The following CCDC178 variants were observed in gnomAD, a reference collection of about 807,000 sequenced individuals.
The protein encoded by CCDC178 is coiled-coil domain containing 178.
In CCDC178, 126 loss-of-function variants were observed where a neutral mutation model predicts 117.4. The ratio of observed to expected loss-of-function variants is 1.07; its 90% CI spans 0.93 to 1.24. The LOEUF (loss-of-function observed/expected upper bound fraction) is 1.24. CCDC178 is among the 50% of genes most tolerant of loss of function. The pLI is 0.00. For missense variants in CCDC178, 1,030 were observed against 986.9 expected, an observed-to-expected ratio of 1.04 and a Z score of -0.59; for synonymous variants, 283 against 313.4, an observed-to-expected ratio of 0.90 and a Z score of 1.02.
intron 21 of CCDC178, among the ~76,000 whole-genome samples, chr18:33,061,807 C>A (rs1043650746): frequency 2.0e-5 from 3 of 151,656 alleles, no homozygotes; most frequent in African/African-American, 7.3e-5. Flanking sequence ...TCAGCAGTGG[C>A]AAGATTTGGC....
intron 9 of CCDC178, among the ~76,000 whole-genome samples, chr18:33,344,810 CA>C (rs2062866328): frequency 2.6e-5 from 1 of 39,212 alleles, no homozygotes; most frequent in East Asian, 7.0e-4. Flanking sequence ...AAAGCACACA[CA>C]CACACACACA....
intron 20 of CCDC178, among the ~76,000 whole-genome samples, chr18:33,143,659 C>T (rs1339183598): frequency 6.6e-6 from 1 of 151,954 alleles, no homozygotes; most frequent in Admixed American, 6.6e-5. Context: ...AACAGATAAG[C>T]GTGATGGTTA....
intron 22 of CCDC178, among the ~76,000 whole-genome samples, chr18:32,948,945 A>T (rs1467231217): frequency 2.0e-5 from 3 of 152,004 alleles, no homozygotes; most frequent in Non-Finnish European, 4.4e-5. Flanking sequence ...TCTGCTGGTG[A>T]TGACTATTTT....
chr18:33,331,456 TG>T (rs967205871), intron 10 of CCDC178, among the ~76,000 whole-genome samples: 2 of 152,016 alleles, frequency 1.3e-5, no homozygotes, highest in Non-Finnish European at 2.9e-5. Flanking sequence ...TCAAGGTTGC[TG>T]GAAGTTTAGT....
chr18:33,436,598 A>C (rs1302239453), intron 2 of CCDC178, among the ~76,000 whole-genome samples: 1 of 152,232 alleles, frequency 6.6e-6, no homozygotes, highest in Non-Finnish European at 1.5e-5. Flanking sequence ...CCAATGCTGT[A>C]AAATGTATTA....
intron 20 of CCDC178, among the ~76,000 whole-genome samples, chr18:33,166,324 C>T (rs992218187): frequency 1.3e-5 from 2 of 152,036 alleles, no homozygotes; most frequent in African/African-American, 4.8e-5. Flanking sequence ...TGTTTATATA[C>T]AATAAAACGA....
intron 21 of CCDC178, among the ~76,000 whole-genome samples, chr18:33,050,374 T>A (rs931185462): frequency 3.9e-5 from 6 of 152,208 alleles, no homozygotes; most frequent in Non-Finnish European, 7.3e-5. Context: ...ATTAGTCTTC[T>A]GAATGTTCTT....
At chr18:33,038,059 C>A (rs541613583) in intron 21 of CCDC178, among the ~76,000 whole-genome samples, 3 of 151,936 alleles carry the variant, frequency 2.0e-5, no homozygotes, top group South Asian at 4.2e-4. Context: ...AAAAACACAC[C>A]TCCCAGTTTT....
At chr18:33,091,503 AT>A (rs1300331398) in intron 21 of CCDC178, among the ~76,000 whole-genome samples, 21 of 151,532 alleles carry the variant, frequency 1.4e-4, no homozygotes, top group Admixed American at 1.4e-3. Flanking sequence ...CATTCGGCTA[AT>A]TTTTGTATTT....
At chr18:33,313,521 A>T (rs1250453291) in intron 11 of CCDC178, among the ~76,000 whole-genome samples, 1 of 152,138 alleles carries the variant, frequency 6.6e-6, no homozygotes. Flanking sequence ...AACCCTCATA[A>T]ACTTCTTTTC....
chr18:33,115,226 T>C (rs1427570710), intron 20 of CCDC178, among the ~76,000 whole-genome samples: 1 of 152,112 alleles, frequency 6.6e-6, no homozygotes, highest in African/African-American at 2.4e-5. Flanking sequence ...TGTTCGTTAC[T>C]GACTTAGGCC....
rs561053696 is a variant in CCDC178 at position 32,948,776 on chromosome 18, C to A, written c.2524-10685G>T. Among the ~76,000 whole-genome samples the A allele has an allele frequency of 1.1e-4, 17 of 152,154 alleles. No homozygotes were observed. The South Asian group carries it at 3.5e-3, about 32-fold the overall frequency. On this transcript the variant is annotated intron_variant, in intron 22 of 22. Transcript: ENST00000383096. ...ATTTGTTGCATAACCAGTCAATTGT[C>A]ATTTAAAGGTGTTTTAAAAATAAGA...
intron 20 of CCDC178, among the ~76,000 whole-genome samples, chr18:33,147,934 CG>C: frequency 6.6e-6 from 1 of 152,046 alleles, no homozygotes; most frequent in South Asian, 2.1e-4. Flanking sequence ...ACTTCCCAGA[CG>C]GGGCGGCCAG....
chr18:33,405,945 A>G (rs1463046273), intron 3 of CCDC178, among the ~76,000 whole-genome samples: 3 of 152,080 alleles, frequency 2.0e-5, no homozygotes, highest in Non-Finnish European at 2.9e-5. Context: ...AGAATACTAT[A>G]TAAGTATAAG....
intron 21 of CCDC178, among the ~76,000 whole-genome samples, 184 bp downstream of exon 21, chr18:33,092,577 C>T (rs2057482472): frequency 6.6e-6 from 1 of 151,868 alleles, no homozygotes; most frequent in African/African-American, 2.4e-5. Flanking sequence ...TTCATTTCTC[C>T]AATATTCTTT....
chr18:32,947,879 T>A (rs184825189), intron 22 of CCDC178, among the ~76,000 whole-genome samples: 2 of 152,272 alleles, frequency 1.3e-5, no homozygotes, highest in Admixed American at 1.3e-4. Flanking sequence ...TTTTTGCATA[T>A]TGTCCAAGGT....
chr18:33,389,656 T>C (rs2063540957), intron 4 of CCDC178, 27 bp from the exon 5 acceptor site: 1 of 1,191,340 alleles, frequency 8.4e-7, no homozygotes, highest in Non-Finnish European at 1.2e-6. Context: ...ATACATATTT[T>C]AGTGAGTAGT....
At chr18:32,972,733 T>A (rs1229888989) in intron 22 of CCDC178, among the ~76,000 whole-genome samples, 2 of 152,210 alleles carry the variant, frequency 1.3e-5, no homozygotes, top group East Asian at 1.9e-4. Flanking sequence ...AGAGAGAAGA[T>A]GAAGCTGGGA....
chr18:33,314,290 A>G (rs974375683), intron 11 of CCDC178, among the ~76,000 whole-genome samples: 14 of 151,070 alleles, frequency 9.3e-5, no homozygotes, highest in Non-Finnish European at 1.8e-4. Context: ...ATAGACTAGC[A>G]TTCAAATCCT....
Sources: allele counts gnomAD v4.1 joint callset (sites outside exome capture counted in the v4.1 genomes callset), GRCh38; gene constraint gnomAD v4.1.1; transcripts MANE v1.5; gene names NCBI Gene and HGNC (gene_info 2026-07-23, HGNC 2026-07-21).